PDE4D: variants seen among roughly 807,000 people sequenced by gnomAD.
The protein encoded by PDE4D is 3',5'-cyclic-AMP phosphodiesterase 4D.
PDE4D carries 24 observed loss-of-function variants against 87.4 expected under a neutral mutation model. That is an observed-to-expected ratio of 0.27 (90% CI 0.20 to 0.39). The LOEUF is 0.39. PDE4D is among the 10% of genes least tolerant of loss of function. PDE4D has a pLI of 1.00. For missense variants in PDE4D, 714 were observed against 1,041.0 expected (o/e 0.69, Z 4.32); for synonymous variants, 384 against 383.2 (o/e 1.00, Z -0.02).
chr5:59,518,953 A>G (rs1299138505), intron 1 of PDE4D, among the ~76,000 whole-genome samples: 2 of 152,238 alleles, frequency 1.3e-5, no homozygotes, highest in Non-Finnish European at 2.9e-5. Context: ...TTCGAAAGGC[A>G]CTAGGCTACA....
intron 1 of PDE4D, among the ~76,000 whole-genome samples, chr5:59,502,908 C>CTT (rs60143243): frequency 0.025 from 3,317 of 131,110 alleles, 59 homozygotes; most frequent in Non-Finnish European, 0.039. Flanking sequence ...GATTAGAAGG[C>CTT]TTTTTTTTTT....
intron 3 of PDE4D, among the ~76,000 whole-genome samples, chr5:59,928,873 CATAT>C (rs1426185985): frequency 6.7e-6 from 1 of 148,534 alleles, no homozygotes; most frequent in Non-Finnish European, 1.5e-5. Context: ...ATTCTATATA[CATAT>C]ATATTCTATA....
chr5:60,470,333 A>T (rs182192897), intron 1 of PDE4D, among the ~76,000 whole-genome samples: 24 of 152,340 alleles, frequency 1.6e-4, no homozygotes. Context: ...TCCATAACAG[A>T]AAAGTACAAG....
intron 1 of PDE4D, among the ~76,000 whole-genome samples, chr5:59,763,338 A>G (rs2150797018): frequency 6.6e-6 from 1 of 152,088 alleles, no homozygotes; most frequent in East Asian, 1.9e-4. Context: ...AATAAAATAA[A>G]AAATAAAAAA....
At chr5:59,881,000 C>T (rs552723233) in intron 1 of PDE4D, among the ~76,000 whole-genome samples, 32 of 152,158 alleles carry the variant, frequency 2.1e-4, no homozygotes, top group Admixed American at 1.5e-3. Context: ...AAAAATAATA[C>T]ATAAAGTTAA....
At chr5:59,050,755 T>C (rs1761429946) in intron 5 of PDE4D, among the ~76,000 whole-genome samples, 1 of 152,146 alleles carries the variant, frequency 6.6e-6, no homozygotes, top group African/African-American at 2.4e-5. Context: ...AGTTGTATTA[T>C]CTGAAATAAG....
chr5:59,177,741 C>G (rs1784122666), intron 5 of PDE4D, among the ~76,000 whole-genome samples: 1 of 152,118 alleles, frequency 6.6e-6, no homozygotes. Flanking sequence ...TTTGGATCAG[C>G]CATGAACTTA....
At chr5:60,397,613 G>A (rs1294262661) in intron 1 of PDE4D, among the ~76,000 whole-genome samples, 4 of 152,200 alleles carry the variant, frequency 2.6e-5, no homozygotes, top group Non-Finnish European at 5.9e-5. Context: ...AAAGCAGAGA[G>A]TAGAATGGTG....
At chr5:59,203,927 C>G (rs1748136151) in intron 2 of PDE4D, among the ~76,000 whole-genome samples, 1 of 152,070 alleles carries the variant, frequency 6.6e-6, no homozygotes, top group African/African-American at 2.4e-5. Context: ...GAAACAATTT[C>G]AAGAGATCTA....
intron 1 of PDE4D, among the ~76,000 whole-genome samples, chr5:59,657,064 T>A (rs1320392566): frequency 2.0e-5 from 3 of 152,176 alleles, no homozygotes; most frequent in Non-Finnish European, 4.4e-5. Flanking sequence ...TGGTAGCTAC[T>A]ACTACTATTA....
chr5:59,032,983 T>C (rs942898925), intron 6 of PDE4D, among the ~76,000 whole-genome samples: 1 of 152,264 alleles, frequency 6.6e-6, no homozygotes, highest in African/African-American at 2.4e-5. Context: ...TTCTTTTCAC[T>C]GTACAAAGCT....
intron 1 of PDE4D, among the ~76,000 whole-genome samples, chr5:60,366,884 A>G (rs948632599): frequency 6.6e-6 from 1 of 151,938 alleles, no homozygotes; most frequent in African/African-American, 2.4e-5. Flanking sequence ...TGAATATCTG[A>G]ATTTTTTTAT....
intron 1 of PDE4D, among the ~76,000 whole-genome samples, chr5:60,485,540 T>C (rs1749069919): frequency 6.6e-6 from 1 of 152,240 alleles, no homozygotes; most frequent in African/African-American, 2.4e-5. Context: ...AAGTTCATGA[T>C]GTGATACATT....
intron 1 of PDE4D, among the ~76,000 whole-genome samples, chr5:59,387,222 T>G (rs1787255908): frequency 6.6e-6 from 1 of 152,198 alleles, no homozygotes. Context: ...TGCCTATGTA[T>G]CTCCTTCCTG....
intron 1 of PDE4D, among the ~76,000 whole-genome samples, chr5:59,681,374 T>C (rs115613093): frequency 6.6e-6 from 1 of 152,148 alleles, no homozygotes; most frequent in African/African-American, 2.4e-5. Context: ...AACATTTTTA[T>C]GCATAATAGA....
At chr5:59,736,542 G>T (rs1758093177) in intron 1 of PDE4D, among the ~76,000 whole-genome samples, 1 of 151,990 alleles carries the variant, frequency 6.6e-6, no homozygotes, top group Admixed American at 6.6e-5. Context: ...AGCCGGGCAT[G>T]GTGGTGCACA....
At chr5:59,345,119 GA>G (rs538259446) in intron 1 of PDE4D, among the ~76,000 whole-genome samples, 1 of 151,884 alleles carries the variant, frequency 6.6e-6, no homozygotes, top group African/African-American at 2.4e-5. Context: ...AAAATAAAGG[GA>G]AAAAAACCTT....
chr5:59,227,943 C>T (rs191311183), intron 1 of PDE4D, among the ~76,000 whole-genome samples: 5 of 152,092 alleles, frequency 3.3e-5, no homozygotes, highest in Admixed American at 2.6e-4. Flanking sequence ...CATAAAGATA[C>T]GTGCATGCAT....
intron 5 of PDE4D, chr5:59,172,698 G>A (rs888458859): frequency 2.6e-5 from 4 of 151,148 alleles, no homozygotes; most frequent in Non-Finnish European, 4.4e-5. Context: ...ACAGAGTGAG[G>A]CCCTATTTCT....
Sources: allele counts gnomAD v4.1 joint callset (sites outside exome capture counted in the v4.1 genomes callset), GRCh38; gene constraint gnomAD v4.1.1; transcripts MANE v1.5; gene names NCBI Gene and HGNC (gene_info 2026-07-23, HGNC 2026-07-21).